Variants in DDAH1 observed in about 807,000 individuals in gnomAD.
DDAH1 encodes the protein dimethylarginine dimethylaminohydrolase 1.
DDAH1 carries 19 observed loss-of-function variants against 28.8 expected under a neutral mutation model. The ratio of observed to expected loss-of-function variants is 0.66; its 90% CI spans 0.46 to 0.97. DDAH1 has a LOEUF of 0.97. Among genes scored for constraint, DDAH1 ranks in the 50% least tolerant of loss-of-function variants. DDAH1 has a pLI of 0.00. For missense variants in DDAH1, 326 were observed against 375.9 expected (o/e 0.87, Z 1.10); for synonymous variants, 153 against 154.4 (o/e 0.99, Z 0.07).
intron 1 of DDAH1, among the ~76,000 whole-genome samples, chr1:85,503,312 C>T (rs1377888792): frequency 1.3e-4 from 20 of 152,174 alleles, no homozygotes; most frequent in Admixed American, 1.2e-3. Flanking sequence ...TCAAGCGATG[C>T]TCCTGCCTCA....
At chr1:85,516,929 C>T (rs1286693807) in intron 1 of DDAH1, among the ~76,000 whole-genome samples, 2 of 152,178 alleles carry the variant, frequency 1.3e-5, no homozygotes, top group South Asian at 2.1e-4. Flanking sequence ...TGCCAAGGAA[C>T]GTTATAGTAC....
chr1:85,413,582 A>G (rs1652754793), intron 1 of DDAH1, among the ~76,000 whole-genome samples: 1 of 152,248 alleles, frequency 6.6e-6, no homozygotes, highest in Admixed American at 6.5e-5. Context: ...GTAGTTTATA[A>G]TAAGTAAAAT....
intron 4 of DDAH1, among the ~76,000 whole-genome samples, chr1:85,335,887 G>A (rs1648074764): frequency 6.6e-6 from 1 of 152,030 alleles, no homozygotes; most frequent in African/African-American, 2.4e-5. Context: ...GCTTAAGCCT[G>A]GGAGGCAGAG....
chr1:85,556,458 T>C (rs1658972194), intron 1 of DDAH1, among the ~76,000 whole-genome samples: 1 of 152,166 alleles, frequency 6.6e-6, no homozygotes, highest in Non-Finnish European at 1.5e-5. Context: ...GAAGGACACG[T>C]CATCTGTATT....
At chr1:85,440,263 T>C (rs552855131) in intron 1 of DDAH1, among the ~76,000 whole-genome samples, 1 of 152,268 alleles carries the variant, frequency 6.6e-6, no homozygotes, top group Non-Finnish European at 1.5e-5. Flanking sequence ...ATCAACAACA[T>C]GCTTTTTCCC....
intron 2 of DDAH1, among the ~76,000 whole-genome samples, chr1:85,490,291 T>C (rs1317762218): frequency 6.6e-6 from 1 of 152,206 alleles, no homozygotes; most frequent in Non-Finnish European, 1.5e-5. Flanking sequence ...TAACCTTGAA[T>C]TGAGGGCTGA....
chr1:85,545,595 G>T (rs951261800), intron 1 of DDAH1, among the ~76,000 whole-genome samples: 1 of 152,160 alleles, frequency 6.6e-6, no homozygotes, highest in Non-Finnish European at 1.5e-5. Flanking sequence ...TTTGGAAAGA[G>T]GTGTATATGA....
chr1:85,469,046 C>T (rs1303408644), upstream of DDAH1, among the ~76,000 whole-genome samples: 2 of 152,186 alleles, frequency 1.3e-5, no homozygotes, highest in Non-Finnish European at 2.9e-5. Context: ...CATACAGCCA[C>T]CACATGTGAA....
At chr1:85,459,662 T>G (rs776377430) in intron 1 of DDAH1, among the ~76,000 whole-genome samples, 1 of 152,240 alleles carries the variant, frequency 6.6e-6, no homozygotes, top group Non-Finnish European at 1.5e-5. Flanking sequence ...TGGGGCAGCT[T>G]TCTCACTTGA....
At chr1:85,363,924 T>TTC (rs35053325) in intron 1 of DDAH1, among the ~76,000 whole-genome samples, 2 of 145,630 alleles carry the variant, frequency 1.4e-5, no homozygotes, top group South Asian at 4.5e-4. Context: ...TTTTTTTTTT[T>TTC]CAAATCAGGC....
At chr1:85,383,148 G>C (rs1235979261) in intron 1 of DDAH1, among the ~76,000 whole-genome samples, 1 of 152,146 alleles carries the variant, frequency 6.6e-6, no homozygotes, top group East Asian at 1.9e-4. Flanking sequence ...TGATGAATCT[G>C]GGCAAAATAA....
intron 1 of DDAH1, among the ~76,000 whole-genome samples, chr1:85,371,955 T>C (rs934647459): frequency 6.6e-6 from 1 of 152,168 alleles, no homozygotes; most frequent in Non-Finnish European, 1.5e-5. Flanking sequence ...TTGAGCATGA[T>C]ATGCAAGATG....
In DDAH1 at chr1:85,427,323, G is replaced by A. The variant is rs74227415; in HGVS notation, c.303+37420C>T. 2.6e-3 allele frequency among the ~76,000 whole-genome samples: 391 copies of A among 151,224 alleles called. 12 individuals carry two copies. In the East Asian group the frequency reaches 0.051, roughly 20 times the overall value. On this transcript the variant is annotated intron_variant, in intron 1 of 5. Transcript: ENST00000284031. ...ACAATGGAAAACAAACTGGAGAAGAGGGCATTCTGTACTACAGCATGTCTG... is the reference window on the plus strand; with the variant it reads ...ACAATGGAAAACAAACTGGAGAAGAAGGCATTCTGTACTACAGCATGTCTG...
intron 1 of DDAH1, among the ~76,000 whole-genome samples, chr1:85,541,143 C>T (rs755028532): frequency 1.3e-5 from 2 of 152,058 alleles, no homozygotes; most frequent in African/African-American, 2.4e-5. Flanking sequence ...ATTGAGATGT[C>T]GTGTTTCAAG....
chr1:85,424,243 C>T (rs780735678), intron 1 of DDAH1, among the ~76,000 whole-genome samples: 14 of 152,104 alleles, frequency 9.2e-5, no homozygotes, highest in Non-Finnish European at 1.6e-4. Flanking sequence ...TTAGGAAGTG[C>T]TCTCTCTGCT....
chr1:85,463,248 C>T (rs921708901), intron 1 of DDAH1, among the ~76,000 whole-genome samples: 1 of 152,092 alleles, frequency 6.6e-6, no homozygotes, highest in Non-Finnish European at 1.5e-5. Context: ...ATCAGGGAGG[C>T]CAAAGCTTGG....
At chr1:85,362,032 G>A (rs1277243396) in intron 1 of DDAH1, among the ~76,000 whole-genome samples, 1 of 152,062 alleles carries the variant, frequency 6.6e-6, no homozygotes, top group African/African-American at 2.4e-5. Flanking sequence ...GAAAACAACT[G>A]TTGTTTTTTC....
intron 1 of DDAH1, among the ~76,000 whole-genome samples, chr1:85,439,251 C>A (rs1400237454): frequency 6.6e-6 from 1 of 152,224 alleles, no homozygotes; most frequent in African/African-American, 2.4e-5. Flanking sequence ...GCCAACTAAT[C>A]AGGAATTTCC....
chr1:85,376,187 A>G (rs1165664410), intron 1 of DDAH1, among the ~76,000 whole-genome samples: 1 of 152,204 alleles, frequency 6.6e-6, no homozygotes, highest in Non-Finnish European at 1.5e-5. Flanking sequence ...TTTTAATAGC[A>G]TAACTAATTA....
Sources: allele counts gnomAD v4.1 joint callset (sites outside exome capture counted in the v4.1 genomes callset), GRCh38; gene constraint gnomAD v4.1.1; transcripts MANE v1.5; gene names NCBI Gene and HGNC (gene_info 2026-07-23, HGNC 2026-07-21).